Variants in LMOD1 observed in about 807,000 individuals in gnomAD.
LMOD1 encodes leiomodin-1.
In LMOD1, 8 loss-of-function variants were observed where a neutral mutation model predicts 36.5. That is an observed-to-expected ratio of 0.22 (90% CI 0.13 to 0.40). LMOD1 has a LOEUF of 0.40. LMOD1 is among the 10% of genes least tolerant of loss of function. The pLI is 1.00. For synonymous variants in LMOD1, 284 were observed against 288.7 expected (o/e 0.98, Z 0.17); for missense variants, 630 against 751.1 (o/e 0.84, Z 1.88).
intron 1 of LMOD1, among the ~76,000 whole-genome samples, chr1:201,934,813 C>T (rs1197502781): frequency 2.6e-5 from 4 of 152,224 alleles, no homozygotes; most frequent in South Asian, 2.1e-4. Context: ...ACAGTACTCT[C>T]TCCTTCTGGA....
chr1:201,943,093 T>C (rs761937709), intron 1 of LMOD1, among the ~76,000 whole-genome samples: 2 of 152,212 alleles, frequency 1.3e-5, no homozygotes, highest in Non-Finnish European at 2.9e-5. Flanking sequence ...TCAGCCAATA[T>C]AAGAATTTGT....
chr1:201,902,306 T>G (rs1247608195), intron 1 of LMOD1, among the ~76,000 whole-genome samples: 1 of 152,080 alleles, frequency 6.6e-6, no homozygotes, highest in Non-Finnish European at 1.5e-5. Context: ...TTGGGTCAGC[T>G]GATCTCTGGA....
At chr1:201,923,733 T>C (rs1480090243) in intron 1 of LMOD1, among the ~76,000 whole-genome samples, 1 of 151,934 alleles carries the variant, frequency 6.6e-6, no homozygotes, top group African/African-American at 2.4e-5. Flanking sequence ...AATGTGGTGA[T>C]GCACGCCTGT....
chr1:201,940,763 T>TAA (rs1682101390), intron 1 of LMOD1, among the ~76,000 whole-genome samples: 1 of 150,798 alleles, frequency 6.6e-6, no homozygotes, highest in Non-Finnish European at 1.5e-5. Context: ...TTTTTTTTTT[T>TAA]TTGAGACGGA....
At chr1:201,940,841 C>T (rs893345946) in intron 1 of LMOD1, among the ~76,000 whole-genome samples, 1 of 151,602 alleles carries the variant, frequency 6.6e-6, no homozygotes, top group Non-Finnish European at 1.5e-5. Context: ...CTCCGCCTCC[C>T]GGGTTCAAGC....
At chr1:201,918,293 TGCGG>T (rs1681642835) in intron 1 of LMOD1, among the ~76,000 whole-genome samples, 1 of 152,190 alleles carries the variant, frequency 6.6e-6, no homozygotes, top group Admixed American at 6.5e-5. Flanking sequence ...TTGCTGTGTT[TGCGG>T]CCTCCATCAT....
chr1:201,901,957 A>G (rs1017130707), intron 1 of LMOD1, among the ~76,000 whole-genome samples: 5 of 73,562 alleles, frequency 6.8e-5, no homozygotes, highest in South Asian at 6.6e-4. Context: ...TATTATTGTT[A>G]TTATTATTAT....
chr1:201,929,572 A>C (rs1681884801), intron 1 of LMOD1, among the ~76,000 whole-genome samples: 1 of 152,220 alleles, frequency 6.6e-6, no homozygotes, highest in African/African-American at 2.4e-5. Context: ...AAAGAGGATA[A>C]AAAAGGATCA....
chr1:201,911,927 A>G (rs767532735), intron 1 of LMOD1, among the ~76,000 whole-genome samples: 32 of 152,212 alleles, frequency 2.1e-4, no homozygotes, highest in Admixed American at 5.9e-4. Flanking sequence ...CATGAATGGC[A>G]CTAACTACAG....
chr1:201,943,670 C>T (rs1298517004), intron 1 of LMOD1, among the ~76,000 whole-genome samples: 5 of 152,194 alleles, frequency 3.3e-5, no homozygotes, highest in African/African-American at 1.2e-4. Flanking sequence ...GCCCACTTCA[C>T]CGGTTTCTGG....
chr1:201,944,781 C>T lies in LMOD1; in HGVS notation c.261+1299G>A, dbSNP rs547270449. 1.6e-4 allele frequency among the ~76,000 whole-genome samples: 25 copies of T among 152,132 alleles called. No homozygotes were observed. The South Asian group carries it at 5.2e-3, about 32-fold the overall frequency. ...ACAGAGTTCCAGCTCCTCTTTGCTT[C>T]ACCCCCTTCCCTCCTCCTCCCTTCT... On this transcript the variant is annotated intron_variant, in intron 1 of 2. Transcript: ENST00000367288.
At chr1:201,913,880 A>G (rs1212840979) in intron 1 of LMOD1, among the ~76,000 whole-genome samples, 1 of 152,184 alleles carries the variant, frequency 6.6e-6, no homozygotes, top group Non-Finnish European at 1.5e-5. Flanking sequence ...TTATACATAA[A>G]ATGTATAATT....
At chr1:201,917,310 T>A (rs577245752) in intron 1 of LMOD1, among the ~76,000 whole-genome samples, 1 of 152,258 alleles carries the variant, frequency 6.6e-6, no homozygotes, top group East Asian at 1.9e-4. Flanking sequence ...GCGGTGTCTG[T>A]GTTTCACCTA....
At position 201,946,498 on chromosome 1, in the gene LMOD1, T is replaced by A; in HGVS notation, c.-158A>T. 1.3e-6 allele frequency: 1 copy of A among 740,756 alleles called. No individual in the cohort carries two copies. The highest frequency in any genetic ancestry group is 2.2e-6 in the Non-Finnish European group (1 of 462,630). The allele number at this position is 740,756 out of a possible 1,614,324, so 45.9% of individuals were successfully genotyped here. On this transcript the variant is annotated 5_prime_UTR_variant, in exon 1 of 3. Coordinates refer to ENST00000367288, the MANE Select transcript of LMOD1 (RefSeq NM_012134.3). ...CTTGGCCCTTCTGTGCTACAGGTGC[T>A]GAAGTGTTCACTGGACGCAGCAGCC...
intron 1 of LMOD1, among the ~76,000 whole-genome samples, chr1:201,924,666 AAAGAAAGAAAGAAAG>A (rs1681787945): frequency 5.7e-4 from 2 of 3,498 alleles, no homozygotes. Flanking sequence ...GAAAGAAAAA[AAAGAAAGAAAGAAAG>A]AAAGAAAGAA....
rs185918108 is a variant in LMOD1, at chr1:201,929,257, C to T, written c.261+16823G>A. Among the ~76,000 whole-genome samples the T allele has an allele frequency of 2.0e-3, 311 of 152,144 alleles. 1 individual carries two copies. Among genetic ancestry groups the T allele is most frequent in the Non-Finnish European group, 4.0e-3 (270 of 68,008 alleles). ...AACTGGGATTACAGGCGTCCACCAC[C>T]ACGCCCAGCTAATTTTTGTATTTTT... On this transcript the variant is annotated intron_variant, in intron 1 of 2. Coordinates refer to ENST00000367288, the MANE Select transcript of LMOD1 (RefSeq NM_012134.3).
intron 1 of LMOD1, among the ~76,000 whole-genome samples, chr1:201,915,493 C>G (rs1386139836): frequency 1.3e-5 from 2 of 152,124 alleles, no homozygotes; most frequent in Non-Finnish European, 2.9e-5. Context: ...TTGCCGACCC[C>G]TGCACTATTC....
chr1:201,935,030 A>G (rs1328413233), intron 1 of LMOD1, among the ~76,000 whole-genome samples: 3 of 152,206 alleles, frequency 2.0e-5, no homozygotes. Context: ...AGACTGATGA[A>G]TCCCAAATTT....
Position 201,900,383 on chromosome 1 carries a change from C to G in LMOD1, c.630G>C (p.Glu210Asp), listed in dbSNP as rs368820800. Residue 210 changes from glutamate (E) to aspartate (D), a missense_variant, in exon 2 of 3, where the codon GAG (glutamate) becomes GAC (aspartate). Physicochemically the swap from Glu to Asp is conservative, Grantham distance 45. Around this residue, in one of 3 missense-constraint regions of LMOD1, gnomAD observed 405 missense variants for 400.6 expected, o/e 1.01. Coordinates refer to ENST00000367288, the MANE Select transcript of LMOD1 (RefSeq NM_012134.3). ...LSRDKDKKRE[E>D]MKEVAKKEDD... ...CCTCTTTCTTGGCCACCTCCTTCATCTCCTCTCTCTTTTTATCCTTGTCCC... is the reference window on the plus strand; with the variant it reads ...CCTCTTTCTTGGCCACCTCCTTCATGTCCTCTCTCTTTTTATCCTTGTCCC... 14 of 1,561,858 alleles carry G rather than the reference C, an allele frequency of 9.0e-6. No homozygotes were observed. The highest frequency in any genetic ancestry group is 1.4e-5 in the African/African-American group (1 of 73,382).
Sources: gnomAD v4.1 joint callset for allele counts (sites outside exome capture counted in the v4.1 genomes callset) on GRCh38, gnomAD v4.1.1 for gene constraint, gnomAD v4.1.1 regional missense constraint, MANE v1.5 for transcripts, NCBI Gene and HGNC (gene_info 2026-07-23, HGNC 2026-07-21) for gene names.